The following FAM110A variants were observed in gnomAD, a reference collection of about 807,000 sequenced individuals.
The protein encoded by FAM110A is family with sequence similarity 110 member A.
A neutral mutation model predicts 4.0 loss-of-function variants in FAM110A; 1 was observed. The observed-to-expected ratio is 0.25, with a 90% confidence interval of 0.09 to 1.20. The LOEUF (loss-of-function observed/expected upper bound fraction) is 1.20, where lower values mean the gene tolerates loss of function less well. Among genes scored for constraint, FAM110A ranks in the 50% most tolerant of loss-of-function variants. The pLI is 0.50. For missense variants in FAM110A, 436 were observed against 429.2 expected (o/e 1.02, Z -0.14); for synonymous variants, 217 against 196.8 (o/e 1.10, Z -0.86).
chr20:836,479 G>A (rs1455522072), intron 1 of FAM110A, among the ~76,000 whole-genome samples: 1 of 152,092 alleles, frequency 6.6e-6, no homozygotes, highest in African/African-American at 2.4e-5. Context: ...TGTTGTGTCT[G>A]GCTTATTTCA....
chr20:845,468 G>A lies in FAM110A; in HGVS notation c.664G>A (p.Ala222Thr), dbSNP rs750935926. 5.0e-6 allele frequency: 8 copies of A among 1,613,208 alleles called. No individual in the cohort carries two copies. Among genetic ancestry groups the A allele is most frequent in the African/African-American group, 4.0e-5 (3 of 74,916 alleles). Reference sequence around the variant, plus strand: ...GGAGGAGGCGAGAGGGTTGGGTGTGGCCCACCTGGCACGGGCCAGCTCGGA... The same window carrying A: ...GGAGGAGGCGAGAGGGTTGGGTGTGACCCACCTGGCACGGGCCAGCTCGGA... ...DPEEARGLGVAHLARASSDIV... is the reference protein window; with the variant it reads ...DPEEARGLGVTHLARASSDIV... Residue 222 changes from alanine to threonine, a missense_variant, in exon 2 of 2, where the codon GCC becomes ACC. Transcript: ENST00000381941.
In FAM110A at chr20:846,198, T is replaced by C. The variant is rs756189835; in HGVS notation, c.*506T>C. ...TGGCAGCTGGCCTAGGTGGGCAGAC[T>C]ATAGGAGGGACTGGTTAGGAGTCTG... On this transcript the variant is annotated 3_prime_UTR_variant, in exon 2 of 2. Transcript: ENST00000381941. The C allele has an allele frequency of 7.8e-5, 14 of 178,914 alleles. No individual in the cohort carries two copies. Among genetic ancestry groups the C allele is most frequent in the Non-Finnish European group, 1.2e-4 (9 of 74,444 alleles). The allele number at this position is 178,914 out of a possible 1,614,324, so 11.1% of individuals were successfully genotyped here. A position where few individuals can be genotyped will look rare whatever the true frequency, so the allele number is the denominator to read the frequency against.
chr20:836,223 C>A (rs1176124274), intron 1 of FAM110A: 1 of 101,530 alleles, frequency 9.8e-6, no homozygotes, highest in Non-Finnish European at 1.8e-5. Flanking sequence ...CCCAGAGAGT[C>A]TGGCTCTAAA....
intron 1 of FAM110A, among the ~76,000 whole-genome samples, chr20:842,207 A>C (rs1432383052): frequency 6.6e-6 from 1 of 152,112 alleles, no homozygotes; most frequent in Non-Finnish European, 1.5e-5. Context: ...GGCGAGCCGA[A>C]GGCCGGCGGG....
At chr20:836,221 G>A (rs1003838721) in intron 1 of FAM110A, 4 of 115,732 alleles carry the variant, frequency 3.5e-5, no homozygotes, top group Non-Finnish European at 6.7e-5. Context: ...AACCCAGAGA[G>A]TCTGGCTCTA....
chr20:844,841 G>GC lies in FAM110A; in HGVS notation c.42dup (p.Ala15ArgfsTer64). On this transcript the variant is annotated frameshift_variant, in exon 2 of 2. Coordinates refer to ENST00000381941, the MANE Select transcript of FAM110A (RefSeq NM_001042353.3). LOFTEE classifies it high-confidence loss of function. ...CACGCTGAGCCCCGGAGCCCCGTCC[G>GC]CCCCCGCCCTACCTTGCCGCCTGCG... The GC allele has an allele frequency of 6.6e-7, 1 of 1,520,464 alleles. No individual in the cohort carries two copies. Among genetic ancestry groups the GC allele is most frequent in the Non-Finnish European group, 8.8e-7 (1 of 1,134,278 alleles). The allele number at this position is 1,520,464 out of a possible 1,614,324, so 94.2% of individuals were successfully genotyped here. A position where few individuals can be genotyped will look rare whatever the true frequency, so the allele number is the denominator to read the frequency against.
intron 1 of FAM110A, among the ~76,000 whole-genome samples, chr20:842,912 A>G (rs925769045): frequency 6.6e-6 from 1 of 152,106 alleles, no homozygotes; most frequent in African/African-American, 2.4e-5. Flanking sequence ...ATAAATTTTT[A>G]TTGAATATTC....
intron 1 of FAM110A, among the ~76,000 whole-genome samples, chr20:837,810 G>C (rs181457758): frequency 5.9e-5 from 9 of 152,294 alleles, no homozygotes; most frequent in Admixed American, 5.9e-4. Context: ...GCTTGAATGG[G>C]GGTGACTTGA....
chr20:845,208 G>A lies in FAM110A; in HGVS notation c.404G>A (p.Arg135His), dbSNP rs1288935460. ...RTPGRAEGAG[R>H]PPPATPPRPP... ...CCTGGACGGGCCGAGGGAGCCGGCC[G>A]TCCTCCCCCAGCCACCCCTCCGCGA... The change falls in exon 2 of 2, where the codon CGT becomes CAT. Residue 135 changes from arginine (R) to histidine (H), a missense_variant. Arg to His is a conservative substitution (Grantham distance 29, BLOSUM62 0). Transcript: ENST00000381941. 1.3e-6 allele frequency: 2 copies of A among 1,552,208 alleles called. No homozygotes were observed. Among genetic ancestry groups the A allele is most frequent in the Admixed American group, 1.9e-5 (1 of 52,774 alleles).
intron 1 of FAM110A, chr20:839,806 C>A: frequency 6.3e-7 from 1 of 1,580,434 alleles, no homozygotes; most frequent in Non-Finnish European, 8.7e-7. Context: ...TGTTCCTTCA[C>A]GCAGCCCCGG....
Position 844,886 on chromosome 20 carries a change from C to T in FAM110A, c.82C>T (p.Leu28=), listed in dbSNP as rs1458306705. The T allele has an allele frequency of 1.1e-5, 17 of 1,552,978 alleles. No homozygotes were observed. Residue 28 remains leucine, a synonymous_variant, in exon 2 of 2, where the codon CTG becomes TTG. Coordinates refer to ENST00000381941, the MANE Select transcript of FAM110A (RefSeq NM_001042353.3). The stretch of plus-strand genomic sequence containing the variant: ...CCTGCGGACCAGGGTCCCTGGCTAC[C>T]TGCTACGGGGGCCGGCAGATGGTGG... The part of the protein sequence containing the change: ...CRLRTRVPGY[L]LRGPADGGAR...
Position 834,513 on chromosome 20 carries a change from T to C in FAM110A, c.-98+562T>C, listed in dbSNP as rs1408499937. ...TGGGGAAGGGAATAGAGCCAGTCCC[T>C]AAACCAAAGCCACTAGTCACCAGAG... On this transcript the variant is annotated intron_variant, in intron 1 of 1. Transcript: ENST00000381941. The surrounding 1 kb of genome is among the most constrained non-coding windows in gnomAD (Gnocchi z 5.6). Among the ~76,000 whole-genome samples the C allele has an allele frequency of 6.6e-6, 1 of 152,196 alleles. No homozygotes were observed. The highest frequency in any genetic ancestry group is 1.5e-5 in the Non-Finnish European group (1 of 68,026).
At chr20:835,276 A>G (rs1979524031) in intron 1 of FAM110A, among the ~76,000 whole-genome samples, 1 of 151,790 alleles carries the variant, frequency 6.6e-6, no homozygotes, top group Non-Finnish European at 1.5e-5. Context: ...ATATATGTAT[A>G]TATGTGTATA....
rs1342793500 is a variant in FAM110A, at chr20:844,772, C to T, written c.-33C>T. The T allele has an allele frequency of 1.4e-6, 2 of 1,415,816 alleles. No homozygotes were observed. The highest frequency in any genetic ancestry group is 2.6e-4 in the Middle Eastern group (1 of 3,854). 87.7% of individuals were successfully genotyped at this position (1,415,816 alleles called of 1,614,324 possible). Reference sequence around the variant, plus strand: ...TCTGGCTCCTCATCTCTCCGGTCTCCGCAGACTAAAGCCCTCGGGATATGC... The same window carrying T: ...TCTGGCTCCTCATCTCTCCGGTCTCTGCAGACTAAAGCCCTCGGGATATGC... On this transcript the variant is annotated 5_prime_UTR_variant, in exon 2 of 2. Coordinates refer to ENST00000381941, the MANE Select transcript of FAM110A (RefSeq NM_001042353.3).
At chr20:843,134 C>G (rs913169579) in intron 1 of FAM110A, among the ~76,000 whole-genome samples, 2 of 152,022 alleles carry the variant, frequency 1.3e-5, no homozygotes, top group Non-Finnish European at 2.9e-5. Flanking sequence ...TCAGGAGTGC[C>G]GGGGAGAAAC....
At position 845,447 on chromosome 20, in the gene FAM110A, G is replaced by T. The variant is rs1286611129; in HGVS notation, c.643G>T (p.Glu215Ter). ...FFNFCGLDPE[E>*]ARGLGVAHLA... ...TAACTTCTGCGGCCTGGACCCGGAG[G>T]AGGCGAGAGGGTTGGGTGTGGCCCA... is the stretch of plus-strand genomic sequence containing the variant. Residue 215 changes from glutamate (E) to a stop codon, truncating the protein, a stop_gained, in exon 2 of 2, where the codon GAG becomes TAG. Coordinates refer to ENST00000381941, the MANE Select transcript of FAM110A (RefSeq NM_001042353.3). LOFTEE classifies it high-confidence loss of function. 1 of 1,613,736 alleles carries T rather than the reference G, an allele frequency of 6.2e-7. No homozygotes were observed. The highest frequency in any genetic ancestry group is 1.1e-5 in the South Asian group (1 of 91,070).
chr20:836,565 A>G (rs576300378), intron 1 of FAM110A, among the ~76,000 whole-genome samples: 1 of 152,286 alleles, frequency 6.6e-6, no homozygotes, highest in Admixed American at 6.5e-5. Context: ...GGAATAATCT[A>G]TTCTAATATT....
chr20:835,100 AC>A (rs1274441924), intron 1 of FAM110A, among the ~76,000 whole-genome samples: 1 of 151,330 alleles, frequency 6.6e-6, no homozygotes, highest in East Asian at 1.9e-4. Flanking sequence ...ACGTTCATGG[AC>A]CATTTGTGTG....
Position 840,900 on chromosome 20 carries a change from G to A in FAM110A, c.-97-3808G>A, listed in dbSNP as rs78391405. 0.13 allele frequency among the ~76,000 whole-genome samples: 19,204 copies of A among 152,222 alleles called. 1,516 individuals carry two copies. Among genetic ancestry groups the A allele is most frequent in the East Asian group, 0.32 (1,667 of 5,164 alleles). ...GTGATTGTTGGGAAGATTAAAATGG[G>A]TTACCCGATACCAAGAAAAACACTT... On this transcript the variant is annotated intron_variant, in intron 1 of 1. Transcript: ENST00000381941. The surrounding 1 kb of genome is among the most constrained non-coding windows in gnomAD (Gnocchi z 4.4).
Sources: gnomAD v4.1 joint callset for allele counts (sites outside exome capture counted in the v4.1 genomes callset) on GRCh38, gnomAD v4.1.1 for gene constraint, Gnocchi (gnomAD v3.1) non-coding constraint, MANE v1.5 for transcripts, NCBI Gene and HGNC (gene_info 2026-07-23, HGNC 2026-07-21) for gene names.